ADARB2: variants seen among roughly 807,000 people sequenced by gnomAD.
ADARB2 encodes the protein adenosine deaminase RNA specific B2 (inactive).
In ADARB2, 25 loss-of-function variants were observed where a neutral mutation model predicts 62.2. The observed-to-expected ratio is 0.40, with a 90% CI of 0.29 to 0.56. The LOEUF is 0.56. Among genes scored for constraint, ADARB2 ranks in the 20% least tolerant of loss-of-function variants. The probability of loss-of-function intolerance (pLI) is 0.43; values close to 1 mark genes in which losing one functional copy is unlikely to be tolerated. For missense variants in ADARB2, 1,071 were observed against 1,077.4 expected (o/e 0.99, Z 0.08); for synonymous variants, 572 against 500.8 (o/e 1.14, Z -1.90).
At position 1,200,501 on chromosome 10, in the gene ADARB2, G is replaced by C. The variant is rs1252779327; in HGVS notation, c.1683-354C>G. The stretch of plus-strand genomic sequence containing the variant: ...TCTGAATTTTTCTTTATATTAGCTG[G>C]GAAATACTATAAATGGAATTTGTTT... On this transcript the variant is annotated intron_variant, in intron 7 of 9. Transcript: ENST00000381312. 1.3e-5 allele frequency: 6 copies of C among 454,674 alleles called. No individual in the cohort carries two copies. The Admixed American group carries it at 2.1e-4, about 16-fold the overall frequency. The allele number at this position is 454,674 out of a possible 1,614,324, so 28.2% of individuals were successfully genotyped here.
intron 1 of ADARB2, among the ~76,000 whole-genome samples, chr10:1,703,310 G>A (rs1366534885): frequency 6.6e-6 from 1 of 152,184 alleles, no homozygotes; most frequent in Non-Finnish European, 1.5e-5. Context: ...TGACATTTTA[G>A]CGTACTTCTA....
intron 1 of ADARB2, among the ~76,000 whole-genome samples, chr10:1,461,216 C>A (rs1402805194): frequency 6.6e-6 from 1 of 152,158 alleles, no homozygotes; most frequent in African/African-American, 2.4e-5. Flanking sequence ...GACAAACGCC[C>A]CAGACCGAAT....
At chr10:1,526,597 G>C in intron 1 of ADARB2, 1 of 241,550 alleles carries the variant, frequency 4.1e-6, no homozygotes, top group South Asian at 3.6e-5. Context: ...TGCACAGGCC[G>C]CTCCCCTCCC....
chr10:1,229,595 G>T (rs1331213070), intron 6 of ADARB2, among the ~76,000 whole-genome samples: 1 of 73,964 alleles, frequency 1.4e-5, no homozygotes, highest in Non-Finnish European at 2.9e-5. Flanking sequence ...ACTTCTTTTT[G>T]ACTTAATCAC....
chr10:1,445,266 C>T (rs150437135), intron 1 of ADARB2, among the ~76,000 whole-genome samples: 17 of 151,544 alleles, frequency 1.1e-4, no homozygotes, highest in African/African-American at 4.1e-4. Flanking sequence ...TTCCATCCAT[C>T]CATCCATCCA....
At chr10:1,452,725 A>G (rs1401299808) in intron 1 of ADARB2, among the ~76,000 whole-genome samples, 1 of 69,834 alleles carries the variant, frequency 1.4e-5, no homozygotes, top group Non-Finnish European at 2.9e-5. Flanking sequence ...GGGTGCAGCA[A>G]ACCACCATGG....
At chr10:1,724,712 C>G (rs1294942184) in intron 1 of ADARB2, among the ~76,000 whole-genome samples, 1 of 152,208 alleles carries the variant, frequency 6.6e-6, no homozygotes, top group African/African-American at 2.4e-5. Context: ...ATAAATTGGT[C>G]TGGAAGTTCC....
chr10:1,249,518 A>G (rs1831016494), intron 4 of ADARB2, among the ~76,000 whole-genome samples: 1 of 152,164 alleles, frequency 6.6e-6, no homozygotes, highest in Non-Finnish European at 1.5e-5. Context: ...GGCATCTGAC[A>G]AAATACAACA....
chr10:1,226,030 A>G (rs371794344), intron 6 of ADARB2, among the ~76,000 whole-genome samples: 2 of 152,162 alleles, frequency 1.3e-5, no homozygotes, highest in Non-Finnish European at 1.5e-5. Flanking sequence ...CATTCTCCCC[A>G]TCACTTTCAG....
chr10:1,278,741 C>G (rs182550804), intron 3 of ADARB2, among the ~76,000 whole-genome samples: 10 of 152,198 alleles, frequency 6.6e-5, no homozygotes, highest in African/African-American at 2.2e-4. Context: ...AATCCACTGC[C>G]TTTAGAACTC....
intron 1 of ADARB2, among the ~76,000 whole-genome samples, chr10:1,568,075 A>G (rs899717831): frequency 6.6e-6 from 1 of 152,254 alleles, no homozygotes. Flanking sequence ...ACACAACTGA[A>G]GAATACTGAA....
At chr10:1,559,995 C>G (rs184021452) in intron 1 of ADARB2, among the ~76,000 whole-genome samples, 232 of 152,294 alleles carry the variant, frequency 1.5e-3, no homozygotes, top group Middle Eastern at 3.4e-3. Context: ...GCGTGGACGG[C>G]AGGTGAAAAC....
chr10:1,403,065 T>C (rs938468088), intron 1 of ADARB2, among the ~76,000 whole-genome samples: 8 of 152,184 alleles, frequency 5.3e-5, no homozygotes, highest in African/African-American at 1.7e-4. Context: ...TGCTGGGTCC[T>C]GCAGGCACCG....
chr10:1,205,804 C>T (rs971199325), intron 7 of ADARB2, among the ~76,000 whole-genome samples: 6 of 152,242 alleles, frequency 3.9e-5, no homozygotes, highest in African/African-American at 1.4e-4. Context: ...TGGACCGAGA[C>T]TGGGTAGATG....
chr10:1,461,270 G>A (rs1831171216), intron 1 of ADARB2, among the ~76,000 whole-genome samples: 1 of 152,130 alleles, frequency 6.6e-6, no homozygotes, highest in East Asian at 1.9e-4. Flanking sequence ...GGCTCTTGCA[G>A]GTCATCTCCC....
chr10:1,508,209 C>A (rs1588281807), intron 1 of ADARB2, among the ~76,000 whole-genome samples: 1 of 152,300 alleles, frequency 6.6e-6, no homozygotes, highest in Non-Finnish European at 1.5e-5. Context: ...TGGTTGAGAG[C>A]CCTCACTGTC....
At chr10:1,530,948 T>TACTCAGCACGCAGGTCTCAGC (rs1832225926) in intron 1 of ADARB2, among the ~76,000 whole-genome samples, 1 of 149,160 alleles carries the variant, frequency 6.7e-6, no homozygotes, top group Non-Finnish European at 1.5e-5. Flanking sequence ...CAGGTCTCAG[T>TACTCAGCACGCAGGTCTCAGC]ACTCAGCACG....
chr10:1,382,789 G>A (rs1564275581), intron 1 of ADARB2, among the ~76,000 whole-genome samples: 2 of 149,236 alleles, frequency 1.3e-5, no homozygotes, highest in Non-Finnish European at 3.0e-5. Context: ...CGCTACCGCC[G>A]CCTCCCCACC....
intron 1 of ADARB2, among the ~76,000 whole-genome samples, chr10:1,608,438 A>T (rs1001016155): frequency 8.6e-5 from 13 of 151,754 alleles, no homozygotes; most frequent in African/African-American, 2.9e-4. Flanking sequence ...GACCATTGAC[A>T]GACGGGAGGA....
Sources: gnomAD v4.1 joint callset for allele counts (sites outside exome capture counted in the v4.1 genomes callset) on GRCh38, gnomAD v4.1.1 for gene constraint, MANE v1.5 for transcripts, NCBI Gene and HGNC (gene_info 2026-07-23, HGNC 2026-07-21) for gene names.